Variants in COL5A2 observed in about 807,000 individuals in gnomAD.
COL5A2 encodes the protein collagen alpha-2(V) chain.
A neutral mutation model predicts 208.2 loss-of-function variants in COL5A2; 23 were observed. The observed-to-expected ratio is 0.11, with a 90% CI of 0.08 to 0.16. The LOEUF is 0.16. Ranked by LOEUF, COL5A2 falls within the 10% of genes least tolerant of loss-of-function variation. The pLI, the probability that COL5A2 is intolerant of heterozygous loss-of-function variation, is 1.00. For missense variants in COL5A2, 1,590 were observed against 1,956.4 expected, an observed-to-expected ratio of 0.81 and a Z score of 3.53; for synonymous variants, 625 against 628.5, an observed-to-expected ratio of 0.99 and a Z score of 0.08.
intron 26 of COL5A2, 150 bp downstream of exon 26, chr2:189,063,830 T>A (rs1162282308): frequency 3.1e-6 from 2 of 636,378 alleles, no homozygotes; most frequent in Non-Finnish European, 5.4e-6. Context: ...TGAAAATAGA[T>A]CCTAAGAATA....
the COL5A2 span, among the ~76,000 whole-genome samples, chr2:189,371,043 C>T: frequency 6.6e-6 from 1 of 152,176 alleles, no homozygotes; most frequent in East Asian, 1.9e-4. Context: ...TAAGTGAGTT[C>T]TCCCTCGAAT....
At chr2:189,293,861 A>G in the COL5A2 span, among the ~76,000 whole-genome samples, 259 of 152,244 alleles carry the variant, frequency 1.7e-3, 1 homozygote, top group African/African-American at 5.6e-3. Flanking sequence ...CAAGGCGGGC[A>G]CATCACAAGG....
chr2:189,375,052 T>C, the COL5A2 span, among the ~76,000 whole-genome samples: 1 of 151,618 alleles, frequency 6.6e-6, no homozygotes, highest in African/African-American at 2.4e-5. Context: ...AGTCTCGCTC[T>C]GTCACCCAGG....
At chr2:189,154,174 C>G (rs1688199963) in intron 1 of COL5A2, among the ~76,000 whole-genome samples, 1 of 152,110 alleles carries the variant, frequency 6.6e-6, no homozygotes, top group African/African-American at 2.4e-5. Context: ...CTTTGGATAC[C>G]TTAAAGGAGA....
rs1472916483 is a variant in COL5A2, at chr2:189,060,279, C to T, written c.2085+451G>A. 2.0e-5 allele frequency among the ~76,000 whole-genome samples: 3 copies of T among 152,254 alleles called. No individual in the cohort carries two copies. In the East Asian group the frequency reaches 5.8e-4, roughly 29 times the overall value. On this transcript the variant is annotated intron_variant, in intron 31 of 53. Transcript: ENST00000374866. ...ACTATACTGTAAGGACAGCAAGGTC[C>T]AAATCCATTTTGTTCAGCTGGTTCA...
At chr2:189,240,447 G>A in the COL5A2 span, among the ~76,000 whole-genome samples, 1 of 152,196 alleles carries the variant, frequency 6.6e-6, no homozygotes, top group Non-Finnish European at 1.5e-5. Context: ...CCCAAAGGCT[G>A]CACCTTCAAA....
intron 1 of COL5A2, among the ~76,000 whole-genome samples, chr2:189,187,658 T>C (rs1322850300): frequency 6.6e-6 from 1 of 152,146 alleles, no homozygotes; most frequent in East Asian, 1.9e-4. Context: ...AAAAAACATA[T>C]AATGTGTCAT....
the COL5A2 span, among the ~76,000 whole-genome samples, chr2:189,238,377 T>C: frequency 6.6e-6 from 1 of 152,076 alleles, no homozygotes; most frequent in Non-Finnish European, 1.5e-5. Context: ...AAATGGATCA[T>C]GAACCTGAAG....
Position 189,051,396 on chromosome 2 carries a change from C to A in COL5A2, c.2855G>T (p.Arg952Leu), listed in dbSNP as rs139264859. ...GLRGDPGSHG[R>L]VGDRGPAGPP... ...GCCAGCTGGTCCTCGATCTCCCACA[C>A]GCCCATGAGAGCCAGGGTCCCCACG... The change falls in exon 42 of 54, where the codon CGT becomes CTT. Residue 952 changes from arginine (R) to leucine (L), a missense_variant. Physicochemically the swap from Arg to Leu is moderately radical, Grantham distance 102. Coordinates refer to ENST00000374866, the MANE Select transcript of COL5A2 (RefSeq NM_000393.5). 6.2e-7 allele frequency: 1 copy of A among 1,614,058 alleles called. No individual in the cohort carries two copies. The highest frequency in any genetic ancestry group is 1.3e-5 in the African/African-American group (1 of 75,046).
intron 6 of COL5A2, among the ~76,000 whole-genome samples, chr2:189,096,958 C>T (rs1413400510): frequency 6.6e-6 from 1 of 152,120 alleles, no homozygotes; most frequent in Admixed American, 6.5e-5. Flanking sequence ...CTTGGTTATT[C>T]CTGTGGCAAC....
intron 1 of COL5A2, among the ~76,000 whole-genome samples, chr2:189,138,609 C>T (rs968378672): frequency 1.3e-5 from 2 of 151,996 alleles, no homozygotes; most frequent in Non-Finnish European, 1.5e-5. Context: ...TAGCATTCTC[C>T]AATATAAGGA....
the COL5A2 span, among the ~76,000 whole-genome samples, chr2:189,316,628 T>C: frequency 1.3e-5 from 2 of 151,684 alleles, no homozygotes; most frequent in Admixed American, 1.3e-4. Flanking sequence ...TGAGGAAAAA[T>C]AATGAATGGT....
At chr2:189,040,587 T>C (rs1214014682) in intron 50 of COL5A2, among the ~76,000 whole-genome samples, 3 of 152,226 alleles carry the variant, frequency 2.0e-5, no homozygotes, top group Admixed American at 1.3e-4. Flanking sequence ...TGCCACTTGT[T>C]ATATGGCTCC....
chr2:189,412,233 T>C, the COL5A2 span, among the ~76,000 whole-genome samples: 1 of 152,034 alleles, frequency 6.6e-6, no homozygotes, highest in Non-Finnish European at 1.5e-5. Context: ...TCACAAAACA[T>C]CATCCTAACG....
At chr2:189,062,062 A>G in intron 29 of COL5A2, among the ~76,000 whole-genome samples, 1 of 151,340 alleles carries the variant, frequency 6.6e-6, no homozygotes, top group East Asian at 2.0e-4. Flanking sequence ...AAACTGCCCC[A>G]CCCCCCCAAA....
intron 31 of COL5A2, among the ~76,000 whole-genome samples, chr2:189,060,076 A>G (rs912295531): frequency 6.6e-6 from 1 of 151,926 alleles, no homozygotes; most frequent in East Asian, 1.9e-4. Context: ...CTCCTTCATC[A>G]TTATCATCAT....
At chr2:189,128,791 C>A (rs192661980) in intron 1 of COL5A2, among the ~76,000 whole-genome samples, 1 of 151,968 alleles carries the variant, frequency 6.6e-6, no homozygotes, top group Non-Finnish European at 1.5e-5. Flanking sequence ...TCCTTCCTTA[C>A]GTCCAGCTGT....
intron 12 of COL5A2, among the ~76,000 whole-genome samples, chr2:189,081,553 T>C (rs1299712270): frequency 1.3e-5 from 2 of 152,138 alleles, no homozygotes; most frequent in Non-Finnish European, 2.9e-5. Context: ...GGCAGCAGAA[T>C]ATGATGGGAA....
At chr2:189,079,404 A>G (rs532440117) in intron 14 of COL5A2, among the ~76,000 whole-genome samples, 8 of 152,328 alleles carry the variant, frequency 5.3e-5, no homozygotes, top group South Asian at 4.1e-4. Flanking sequence ...ATACGTCTCA[A>G]GTAAAACTTT....
Sources: allele counts gnomAD v4.1 joint callset (sites outside exome capture counted in the v4.1 genomes callset), GRCh38; gene constraint gnomAD v4.1.1; transcripts MANE v1.5; gene names NCBI Gene and HGNC (gene_info 2026-07-23, HGNC 2026-07-21).